Variants in NALF1 observed in about 807,000 individuals in gnomAD.
NALF1 encodes the protein NALCN channel auxiliary factor 1, also known as family with sequence similarity 155 member A.
A neutral mutation model predicts 48.4 loss-of-function variants in NALF1; 3 were observed. That is an observed-to-expected ratio of 0.06 (90% CI 0.03 to 0.16). The LOEUF (loss-of-function observed/expected upper bound fraction) is 0.16, where lower values mean the gene tolerates loss of function less well. Ranked by LOEUF, NALF1 falls within the 10% of genes least tolerant of loss-of-function variation. NALF1 has a pLI of 1.00. For missense variants in NALF1, 526 were observed against 571.5 expected, an observed-to-expected ratio of 0.92 and a Z score of 0.81; for synonymous variants, 262 against 245.7, an observed-to-expected ratio of 1.07 and a Z score of -0.62.
intron 1 of NALF1, among the ~76,000 whole-genome samples, chr13:107,659,982 T>G (rs1277278817): frequency 6.6e-6 from 1 of 151,690 alleles, no homozygotes; most frequent in Non-Finnish European, 1.5e-5. Flanking sequence ...CCGCCTGCCT[T>G]GGCCTCCCAA....
chr13:107,813,676 A>C (rs1217172586), intron 1 of NALF1, among the ~76,000 whole-genome samples: 24 of 151,142 alleles, frequency 1.6e-4, no homozygotes, highest in Non-Finnish European at 3.4e-4. Context: ...AGACCAGCAA[A>C]AAAAAAAAAA....
intron 1 of NALF1, among the ~76,000 whole-genome samples, chr13:107,577,460 A>G (rs1015169401): frequency 7.0e-6 from 1 of 142,472 alleles, no homozygotes; most frequent in Admixed American, 7.3e-5. Flanking sequence ...TTGGGAGAGA[A>G]AGCTAGATAT....
At chr13:107,507,713 C>T (rs1875750525) in intron 1 of NALF1, among the ~76,000 whole-genome samples, 8 of 151,536 alleles carry the variant, frequency 5.3e-5, no homozygotes, top group Admixed American at 5.3e-4. Context: ...TTGTCTCAGC[C>T]TCTTAATATT....
chr13:107,828,603 C>A (rs3931323), intron 1 of NALF1, among the ~76,000 whole-genome samples: 656 of 36,042 alleles, frequency 0.018, 3 homozygotes, highest in African/African-American at 0.03. Flanking sequence ...ATATCTATAT[C>A]TATACACACA....
intron 1 of NALF1, among the ~76,000 whole-genome samples, chr13:107,823,703 C>G (rs1437787795): frequency 6.6e-6 from 1 of 152,152 alleles, no homozygotes; most frequent in Non-Finnish European, 1.5e-5. Context: ...CTTTCATGCT[C>G]CTCTCTTGAC....
chr13:107,613,344 C>T (rs1270324692), intron 1 of NALF1, among the ~76,000 whole-genome samples: 3 of 152,172 alleles, frequency 2.0e-5, no homozygotes, highest in Non-Finnish European at 4.4e-5. Flanking sequence ...AGGTAGGCGG[C>T]CTCCGCAATA....
intron 1 of NALF1, among the ~76,000 whole-genome samples, chr13:107,554,286 T>A (rs1877387979): frequency 6.6e-6 from 1 of 152,214 alleles, no homozygotes; most frequent in Admixed American, 6.5e-5. Flanking sequence ...TAGAACTATG[T>A]CTTTCCTTCT....
chr13:107,680,889 TGA>T (rs1281603436), intron 1 of NALF1, among the ~76,000 whole-genome samples: 4 of 148,910 alleles, frequency 2.7e-5, no homozygotes, highest in East Asian at 4.0e-4. Context: ...TGTGTGTCCA[TGA>T]GAGAGGGTGA....
intron 1 of NALF1, among the ~76,000 whole-genome samples, chr13:107,398,962 A>G (rs1350318701): frequency 6.6e-6 from 1 of 152,198 alleles, no homozygotes; most frequent in Non-Finnish European, 1.5e-5. Flanking sequence ...TGGAGCAGAA[A>G]GCTATGCTGG....
chr13:107,667,537 G>C (rs1417177235), intron 1 of NALF1, among the ~76,000 whole-genome samples: 3 of 152,002 alleles, frequency 2.0e-5, no homozygotes, highest in Admixed American at 2.0e-4. Flanking sequence ...CTAATTATGT[G>C]AGCATTCAAA....
chr13:107,673,959 G>C (rs1461952469), intron 1 of NALF1, among the ~76,000 whole-genome samples: 6 of 152,088 alleles, frequency 3.9e-5, no homozygotes, highest in African/African-American at 1.4e-4. Flanking sequence ...CCAAGGGCCG[G>C]CTCCACATGA....
At chr13:107,767,045 G>A (rs1364496351) in intron 1 of NALF1, among the ~76,000 whole-genome samples, 2 of 151,998 alleles carry the variant, frequency 1.3e-5, no homozygotes, top group African/African-American at 4.8e-5. Context: ...GAGTCAGAGA[G>A]AAAAACCTAA....
intron 1 of NALF1, among the ~76,000 whole-genome samples, chr13:107,545,873 C>G (rs1051827579): frequency 2.6e-5 from 4 of 152,136 alleles, no homozygotes; most frequent in Non-Finnish European, 4.4e-5. Flanking sequence ...GCTAATCTCC[C>G]TAATAACTAA....
intron 1 of NALF1, among the ~76,000 whole-genome samples, chr13:107,653,411 C>T (rs1880495280): frequency 6.6e-6 from 1 of 151,930 alleles, no homozygotes; most frequent in South Asian, 2.1e-4. Flanking sequence ...ACTGAGGAAT[C>T]ATTTATTTTA....
intron 1 of NALF1, among the ~76,000 whole-genome samples, chr13:107,526,465 G>A (rs1367389929): frequency 6.6e-6 from 1 of 152,068 alleles, no homozygotes; most frequent in Non-Finnish European, 1.5e-5. Flanking sequence ...AGTTATTTGT[G>A]TAGATCATTT....
At chr13:107,173,940 C>T (rs941866094) in intron 2 of NALF1, among the ~76,000 whole-genome samples, 1 of 152,198 alleles carries the variant, frequency 6.6e-6, no homozygotes, top group Non-Finnish European at 1.5e-5. Context: ...ACTCTGCTTT[C>T]AGGGAATTTG....
At chr13:107,455,804 T>G (rs1884815203) in intron 1 of NALF1, among the ~76,000 whole-genome samples, 1 of 152,160 alleles carries the variant, frequency 6.6e-6, no homozygotes, top group Admixed American at 6.5e-5. Flanking sequence ...CAGATTGTCT[T>G]CTTTCACTTC....
chr13:107,401,046 C>T (rs376897480), intron 1 of NALF1, among the ~76,000 whole-genome samples: 2 of 152,088 alleles, frequency 1.3e-5, no homozygotes, highest in African/African-American at 2.4e-5. Flanking sequence ...TGGCTTTTTG[C>T]GTTCCAGTGA....
At chr13:107,831,286 G>A (rs1476572115) in intron 1 of NALF1, among the ~76,000 whole-genome samples, 1 of 152,114 alleles carries the variant, frequency 6.6e-6, no homozygotes, top group African/African-American at 2.4e-5. Context: ...AAACTTTACC[G>A]TACATGTATA....
Sources: gnomAD v4.1 joint callset for allele counts (sites outside exome capture counted in the v4.1 genomes callset) on GRCh38, gnomAD v4.1.1 for gene constraint, MANE v1.5 for transcripts, NCBI Gene and HGNC (gene_info 2026-07-23, HGNC 2026-07-21) for gene names.